PARD3B: variants seen among roughly 807,000 people sequenced by gnomAD.
The protein encoded by PARD3B is partitioning defective 3 homolog B.
PARD3B carries 103 observed loss-of-function variants against 130.2 expected under a neutral mutation model. That is an observed-to-expected ratio of 0.79 (90% CI 0.67 to 0.93). The LOEUF (loss-of-function observed/expected upper bound fraction) is 0.93, where lower values mean the gene tolerates loss of function less well. Among genes scored for constraint, PARD3B ranks in the 40% least tolerant of loss-of-function variants. PARD3B has a pLI of 0.00. For missense variants in PARD3B, 1,609 were observed against 1,499.2 expected (o/e 1.07, Z -1.21); for synonymous variants, 583 against 553.2 (o/e 1.05, Z -0.76).
intron 2 of PARD3B, among the ~76,000 whole-genome samples, chr2:204,773,015 A>G (rs908112647): frequency 2.0e-4 from 31 of 152,156 alleles, no homozygotes; most frequent in African/African-American, 5.3e-4. Flanking sequence ...ATATATATCA[A>G]TGTTAAGATA....
intron 21 of PARD3B, among the ~76,000 whole-genome samples, chr2:205,551,604 T>G (rs981614976): frequency 2.0e-5 from 3 of 152,156 alleles, no homozygotes; most frequent in African/African-American, 7.2e-5. Flanking sequence ...GGACACACTC[T>G]AAAGGTCCTC....
At chr2:205,436,020 C>T (rs1455779781) in intron 19 of PARD3B, among the ~76,000 whole-genome samples, 1 of 152,110 alleles carries the variant, frequency 6.6e-6, no homozygotes. Flanking sequence ...ATCAAGGTGC[C>T]ATCAGGTTCA....
chr2:204,808,801 A>G (rs2042863495), intron 2 of PARD3B, among the ~76,000 whole-genome samples: 1 of 152,142 alleles, frequency 6.6e-6, no homozygotes. Flanking sequence ...ACATACATGA[A>G]TGTGTCTTTA....
chr2:205,453,733 T>C (rs528817362), intron 20 of PARD3B, among the ~76,000 whole-genome samples: 19 of 152,322 alleles, frequency 1.2e-4, no homozygotes, highest in African/African-American at 4.6e-4. Context: ...TCAATGAATA[T>C]TTGTTAATAG....
chr2:205,297,579 G>A (rs1419429170), intron 16 of PARD3B, among the ~76,000 whole-genome samples: 1 of 152,144 alleles, frequency 6.6e-6, no homozygotes, highest in Non-Finnish European at 1.5e-5. Flanking sequence ...AAGACATGGG[G>A]ATCCCTGGAG....
At chr2:205,205,727 C>T (rs1049869144) in intron 15 of PARD3B, among the ~76,000 whole-genome samples, 3 of 152,094 alleles carry the variant, frequency 2.0e-5, no homozygotes, top group Middle Eastern at 3.4e-3. Context: ...TCATTGGTTC[C>T]GTTTATGTGA....
intron 16 of PARD3B, among the ~76,000 whole-genome samples, chr2:205,275,185 C>T (rs1356063659): frequency 9.5e-5 from 14 of 147,960 alleles, no homozygotes; most frequent in East Asian, 5.9e-4. Context: ...CCCTGTTGAA[C>T]GGGAAAAATT....
chr2:204,869,124 G>C (rs6733159), intron 2 of PARD3B, among the ~76,000 whole-genome samples: 1 of 151,986 alleles, frequency 6.6e-6, no homozygotes, highest in Non-Finnish European at 1.5e-5. Flanking sequence ...ATACAGATCA[G>C]ATGTGATTTG....
chr2:205,092,615 C>T (rs1384670100), intron 4 of PARD3B, among the ~76,000 whole-genome samples: 7 of 152,084 alleles, frequency 4.6e-5, no homozygotes, highest in Middle Eastern at 3.4e-3. Context: ...CCTTGACCCA[C>T]GATTAAGTCT....
At chr2:205,398,589 A>G (rs554779047) in intron 18 of PARD3B, among the ~76,000 whole-genome samples, 1 of 152,122 alleles carries the variant, frequency 6.6e-6, no homozygotes, top group Non-Finnish European at 1.5e-5. Context: ...AGGAAAGAAG[A>G]CTTGCTAATT....
chr2:205,270,058 T>A (rs2105794624), intron 16 of PARD3B, among the ~76,000 whole-genome samples: 1 of 152,306 alleles, frequency 6.6e-6, no homozygotes, highest in South Asian at 2.1e-4. Flanking sequence ...CCATTCGCCA[T>A]CATGTGATTA....
At chr2:204,737,642 C>A (rs2039816046) in intron 2 of PARD3B, among the ~76,000 whole-genome samples, 1 of 152,164 alleles carries the variant, frequency 6.6e-6, no homozygotes, top group Non-Finnish European at 1.5e-5. Flanking sequence ...GTCATGAATT[C>A]TTTGCCTAGG....
rs1380277854 is a variant in PARD3B, at chr2:205,276,908, C to T, written c.2186-23622C>T. On this transcript the variant is annotated intron_variant, in intron 16 of 22. Coordinates refer to ENST00000406610, the MANE Select transcript of PARD3B (RefSeq NM_001302769.2). The surrounding 1 kb of genome is among the most constrained non-coding windows in gnomAD (Gnocchi z 5.0). ...TTTAAATGATGGGTAATAATAATAT[C>T]CACCTCACAGGTGGAAGTGGGGTGA... Among the ~76,000 whole-genome samples the T allele has an allele frequency of 6.6e-6, 1 of 152,154 alleles. No homozygotes were observed. The highest frequency in any genetic ancestry group is 1.5e-5 in the Non-Finnish European group (1 of 68,028).
chr2:204,570,316 C>T (rs1416213533), intron 1 of PARD3B, among the ~76,000 whole-genome samples: 1 of 152,150 alleles, frequency 6.6e-6, no homozygotes, highest in Non-Finnish European at 1.5e-5. Flanking sequence ...ATGAAAGAGA[C>T]AGCTTTAACT....
At chr2:205,295,257 C>T (rs145557894) in intron 16 of PARD3B, among the ~76,000 whole-genome samples, 2,290 of 152,206 alleles carry the variant, frequency 0.015, 31 homozygotes, top group Non-Finnish European at 0.027. Context: ...GCAGGAAAGG[C>T]GTTTCTATTG....
At chr2:204,582,099 C>T (rs2032586259) in intron 1 of PARD3B, among the ~76,000 whole-genome samples, 1 of 152,142 alleles carries the variant, frequency 6.6e-6, no homozygotes, top group Non-Finnish European at 1.5e-5. Flanking sequence ...CAGCCTGCAG[C>T]CTCTGTTCTT....
chr2:205,432,303 T>C (rs1409131894), intron 19 of PARD3B, among the ~76,000 whole-genome samples: 2 of 152,166 alleles, frequency 1.3e-5, no homozygotes, highest in African/African-American at 4.8e-5. Flanking sequence ...CACTCTGTTC[T>C]CAACAAAGCA....
At position 205,254,931 on chromosome 2, in the gene PARD3B, T is replaced by C. The variant is rs1422269142; in HGVS notation, c.2185+9109T>C. ...CGCCCGCCTCGGCCTCCCAAAGTGC[T>C]GGGATTACAGGTGTGAGCCACCGCG... On this transcript the variant is annotated intron_variant, in intron 16 of 22. Coordinates refer to ENST00000406610, the MANE Select transcript of PARD3B (RefSeq NM_001302769.2). Among the ~76,000 whole-genome samples, 3 of 151,968 alleles carry C rather than the reference T, an allele frequency of 2.0e-5. No homozygotes were observed. The East Asian group carries it at 5.8e-4, about 29-fold the overall frequency.
intron 2 of PARD3B, among the ~76,000 whole-genome samples, chr2:204,883,406 T>TATATATATATTATATATATATATAAA (rs2046129768): frequency 9.8e-6 from 1 of 101,762 alleles, no homozygotes; most frequent in Non-Finnish European, 2.1e-5. Flanking sequence ...ATATATATAT[T>TATATATATATTATATATATATATAAA]ATATATATAT....
Sources: gnomAD v4.1 joint callset for allele counts (sites outside exome capture counted in the v4.1 genomes callset) on GRCh38, gnomAD v4.1.1 for gene constraint, Gnocchi (gnomAD v3.1) non-coding constraint, MANE v1.5 for transcripts, NCBI Gene and HGNC (gene_info 2026-07-23, HGNC 2026-07-21) for gene names.